KCTD1: variants seen among roughly 807,000 people sequenced by gnomAD.
The protein encoded by KCTD1 is BTB/POZ domain-containing protein KCTD1.
In KCTD1, 24 loss-of-function variants were observed where a neutral mutation model predicts 66.0. The ratio of observed to expected loss-of-function variants is 0.36; its 90% CI spans 0.26 to 0.51. The LOEUF (loss-of-function observed/expected upper bound fraction) is 0.51. Ranked by LOEUF, KCTD1 falls within the 20% of genes least tolerant of loss-of-function variation. KCTD1 has a pLI of 0.95. For missense variants in KCTD1, 943 were observed against 1,205.2 expected, an observed-to-expected ratio of 0.78 and a Z score of 3.22; for synonymous variants, 511 against 517.2, an observed-to-expected ratio of 0.99 and a Z score of 0.16.
chr18:26,463,831 C>G (rs1980576993), intron 3 of KCTD1, among the ~76,000 whole-genome samples: 2 of 152,208 alleles, frequency 1.3e-5, no homozygotes, highest in African/African-American at 4.8e-5. Context: ...GCCACCACGC[C>G]CGGCCTGAAT....
At chr18:26,526,730 C>CAACACTTGAA in intron 1 of KCTD1, among the ~76,000 whole-genome samples, 1 of 152,208 alleles carries the variant, frequency 6.6e-6, no homozygotes, top group South Asian at 2.1e-4. Context: ...AATGCTGAGC[C>CAACACTTGAA]AATCCCACTT....
Position 26,502,812 on chromosome 18 carries a change from G to A in KCTD1, c.1810-1562C>T, listed in dbSNP as rs144509314. ...AAAGCCAGGGATAAGGCACACTGAA[G>A]GGATTTTGAAAAATGCCTTTGATGG... On this transcript the variant is annotated intron_variant, in intron 1 of 4. Transcript: ENST00000580059. Among the ~76,000 whole-genome samples, 3 of 152,328 alleles carry A rather than the reference G, an allele frequency of 2.0e-5. 1 individual carries two copies. Among genetic ancestry groups the A allele is most frequent in the East Asian group, 3.9e-4 (2 of 5,190 alleles).
At chr18:26,608,827 G>A (rs1475260805) in intron 1 of KCTD1, among the ~76,000 whole-genome samples, 3 of 152,198 alleles carry the variant, frequency 2.0e-5, no homozygotes, top group African/African-American at 7.2e-5. Context: ...TCATCAGAAA[G>A]CTCTTCTGGA....
intron 2 of KCTD1, among the ~76,000 whole-genome samples, chr18:26,494,102 G>A (rs1456208063): frequency 6.6e-6 from 1 of 152,182 alleles, no homozygotes; most frequent in Admixed American, 6.5e-5. Context: ...ACGCTCAGTG[G>A]TTCACACCTG....
chr18:26,489,747 A>C (rs1982097795), intron 2 of KCTD1, among the ~76,000 whole-genome samples: 1 of 152,216 alleles, frequency 6.6e-6, no homozygotes. Context: ...TCCTTGAAAG[A>C]AGATGTGTGA....
At chr18:26,578,448 G>C (rs894453464) in intron 1 of KCTD1, among the ~76,000 whole-genome samples, 9 of 152,158 alleles carry the variant, frequency 5.9e-5, no homozygotes, top group African/African-American at 2.2e-4. Flanking sequence ...ATATTCCCAA[G>C]TGGAGAGTAA....
intron 1 of KCTD1, among the ~76,000 whole-genome samples, chr18:26,577,992 C>T (rs185625432): frequency 6.6e-6 from 1 of 151,712 alleles, no homozygotes; most frequent in African/African-American, 2.4e-5. Flanking sequence ...TGGGCCATCA[C>T]TGTAACTCAC....
At chr18:26,636,988 G>A (rs575760578) in intron 1 of KCTD1, among the ~76,000 whole-genome samples, 47 of 152,286 alleles carry the variant, frequency 3.1e-4, no homozygotes, top group African/African-American at 1.1e-3. Context: ...GCAGAGAAGC[G>A]GTGAAGCGGG....
chr18:26,515,990 G>A (rs1983636654), intron 1 of KCTD1, among the ~76,000 whole-genome samples: 1 of 152,128 alleles, frequency 6.6e-6, no homozygotes, highest in Non-Finnish European at 1.5e-5. Flanking sequence ...GACAGGGGCT[G>A]GGAGAACACA....
At chr18:26,631,627 G>A (rs2145043984), upstream of KCTD1, among the ~76,000 whole-genome samples, 1 of 152,270 alleles carries the variant, frequency 6.6e-6, no homozygotes, top group Middle Eastern at 3.4e-3. Flanking sequence ...AAAAGATTAT[G>A]AGGAATTAGA....
At chr18:26,508,728 T>TCA (rs33932453) in intron 1 of KCTD1, among the ~76,000 whole-genome samples, 14 of 150,386 alleles carry the variant, frequency 9.3e-5, no homozygotes, top group Admixed American at 3.3e-4. Context: ...TCTCTCTCTC[T>TCA]CACACACACA....
At chr18:26,479,690 CTGA>C (rs1297571742) in intron 2 of KCTD1, among the ~76,000 whole-genome samples, 1 of 152,218 alleles carries the variant, frequency 6.6e-6, no homozygotes, top group African/African-American at 2.4e-5. Flanking sequence ...CGCAGGGCTG[CTGA>C]TTTCTGCCAA....
At chr18:26,596,150 G>T (rs779406217) in intron 1 of KCTD1, among the ~76,000 whole-genome samples, 1 of 152,118 alleles carries the variant, frequency 6.6e-6, no homozygotes, top group African/African-American at 2.4e-5. Context: ...GCCCTAACTC[G>T]CATGTGATAA....
At chr18:26,494,829 A>G (rs896424133) in intron 2 of KCTD1, among the ~76,000 whole-genome samples, 16 of 151,936 alleles carry the variant, frequency 1.1e-4, no homozygotes, top group Admixed American at 8.5e-4. Context: ...AGATTAACCC[A>G]TCTTGCCAAC....
chr18:26,548,477 A>AGCGCTG lies in KCTD1; in HGVS notation c.54_59dup (p.Ser19_Ala20dup). On this transcript the variant is annotated inframe_insertion, in exon 1 of 5. Coordinates refer to ENST00000580059, the MANE Select transcript of KCTD1 (RefSeq NM_001142730.3). ...CATTGTTCTCGGCGGCGGCGGCGGC[A>AGCGCTG]GCGCTGGCGCTGCCGCCCGCGCTGG... 1 of 1,213,896 alleles carries AGCGCTG rather than the reference A, an allele frequency of 8.2e-7. No homozygotes were observed. Among genetic ancestry groups the AGCGCTG allele is most frequent in the Non-Finnish European group, 1.0e-6 (1 of 981,514 alleles). The allele number at this position is 1,213,896 out of a possible 1,614,324, so 75.2% of individuals were successfully genotyped here. A position where few individuals can be genotyped will look rare whatever the true frequency, so the allele number is the denominator to read the frequency against.
chr18:26,582,571 G>A (rs186286355), intron 1 of KCTD1, among the ~76,000 whole-genome samples: 15 of 152,208 alleles, frequency 9.9e-5, no homozygotes, highest in South Asian at 8.3e-4. Context: ...AAATATTCAC[G>A]TTCGAAATGA....
At chr18:26,596,463 G>A (rs1292107713) in intron 1 of KCTD1, among the ~76,000 whole-genome samples, 1 of 152,198 alleles carries the variant, frequency 6.6e-6, no homozygotes, top group African/African-American at 2.4e-5. Context: ...CCTAGTCTAT[G>A]CTATTTTGTT....
intron 1 of KCTD1, among the ~76,000 whole-genome samples, chr18:26,506,266 G>A (rs939341247): frequency 2.6e-5 from 4 of 152,170 alleles, no homozygotes; most frequent in Non-Finnish European, 5.9e-5. Context: ...GCTGGTCTCT[G>A]GCCTCAGCAG....
At chr18:26,477,524 C>T (rs967742196) in intron 2 of KCTD1, among the ~76,000 whole-genome samples, 2 of 152,214 alleles carry the variant, frequency 1.3e-5, no homozygotes, top group African/African-American at 4.8e-5. Flanking sequence ...TGGCTAATGA[C>T]ATGCAAGCAT....
Sources: allele counts gnomAD v4.1 joint callset (sites outside exome capture counted in the v4.1 genomes callset), GRCh38; gene constraint gnomAD v4.1.1; transcripts MANE v1.5; gene names NCBI Gene and HGNC (gene_info 2026-07-23, HGNC 2026-07-21).